SMOC2: variants seen among roughly 807,000 people sequenced by gnomAD.
SMOC2 encodes SPARC related modular calcium binding 2.
SMOC2 carries 39 observed loss-of-function variants against 61.4 expected under a neutral mutation model. The ratio of observed to expected loss-of-function variants is 0.64; its 90% CI spans 0.49 to 0.83. The LOEUF is 0.83. Ranked by LOEUF, SMOC2 falls within the 40% of genes least tolerant of loss-of-function variation. SMOC2 has a pLI of 0.00. For missense variants in SMOC2, 556 were observed against 592.9 expected (o/e 0.94, Z 0.65); for synonymous variants, 247 against 239.9 (o/e 1.03, Z -0.27).
chr6:168,518,702 ATGTG>A (rs575177452), intron 2 of SMOC2, among the ~76,000 whole-genome samples: 2 of 144,506 alleles, frequency 1.4e-5, no homozygotes, highest in East Asian at 2.1e-4. Flanking sequence ...ATGAGCGTGC[ATGTG>A]TGAGTGTTAT....
At chr6:168,613,401 A>G (rs1053735068) in intron 9 of SMOC2, among the ~76,000 whole-genome samples, 2 of 152,148 alleles carry the variant, frequency 1.3e-5, no homozygotes, top group Non-Finnish European at 2.9e-5. Context: ...GAGCCTGGGC[A>G]TGGCCCCTCT....
rs367887452 is a variant in SMOC2 at position 168,598,944 on chromosome 6, C to T, written c.764C>T (p.Thr255Met). 3.7e-6 allele frequency: 6 copies of T among 1,613,410 alleles called. No individual in the cohort carries two copies. Among genetic ancestry groups the T allele is most frequent in the East Asian group, 2.2e-5 (1 of 44,868 alleles). Residue 255 changes from threonine to methionine, a missense_variant, in exon 8 of 13, where the codon ACG (threonine) becomes ATG (methionine). Coordinates refer to ENST00000356284, the MANE Select transcript of SMOC2 (RefSeq NM_001166412.2). ...AAGCCAGTGCAGTGCCACCCCTCCA[C>T]GGGGTACTGCTGGTGCGTCCTGGTG... ...LYKPVQCHPS[T>M]GYCWCVLVDT... is the part of the protein sequence containing the mutation.
chr6:168,495,806 A>G (rs1583056821), intron 1 of SMOC2, among the ~76,000 whole-genome samples: 1 of 151,848 alleles, frequency 6.6e-6, no homozygotes, highest in South Asian at 2.1e-4. Flanking sequence ...TGGGGGCTCC[A>G]CCCACCTGTG....
chr6:168,489,056 G>T (rs1309937880), intron 1 of SMOC2, among the ~76,000 whole-genome samples: 2 of 149,550 alleles, frequency 1.3e-5, no homozygotes, highest in Admixed American at 1.3e-4. Context: ...GTTTTAGAGG[G>T]AAATATATCG....
At chr6:168,591,831 G>C (rs550881944) in intron 7 of SMOC2, among the ~76,000 whole-genome samples, 13 of 142,978 alleles carry the variant, frequency 9.1e-5, no homozygotes, top group African/African-American at 3.2e-4. Context: ...GGAAAGAAAA[G>C]TGACATATTT....
At chr6:168,572,894 GGT>G (rs1784699641) in intron 7 of SMOC2, among the ~76,000 whole-genome samples, 2 of 107,820 alleles carry the variant, frequency 1.9e-5, no homozygotes, top group Non-Finnish European at 1.7e-5. Flanking sequence ...AGGGCTGCGT[GGT>G]CCCTGAACGC....
chr6:168,621,884 T>C (rs1285826317), intron 9 of SMOC2, among the ~76,000 whole-genome samples: 1 of 152,130 alleles, frequency 6.6e-6, no homozygotes, highest in Non-Finnish European at 1.5e-5. Context: ...TCACCACTCA[T>C]TGCGTTACAC....
At chr6:168,491,215 TGGAAGCTGGA>T (rs1382054638) in intron 1 of SMOC2, among the ~76,000 whole-genome samples, 3 of 152,212 alleles carry the variant, frequency 2.0e-5, no homozygotes, top group Non-Finnish European at 4.4e-5. Flanking sequence ...CTTGGTCTTG[TGGAAGCTGGA>T]GAATTTGAAC....
intron 7 of SMOC2, among the ~76,000 whole-genome samples, chr6:168,566,350 A>T (rs1784540347): frequency 6.6e-6 from 1 of 152,164 alleles, no homozygotes; most frequent in South Asian, 2.1e-4. Flanking sequence ...CTTTATGACA[A>T]ATCCTTGCAA....
At chr6:168,524,215 T>C (rs1783403621) in intron 2 of SMOC2, among the ~76,000 whole-genome samples, 1 of 152,188 alleles carries the variant, frequency 6.6e-6, no homozygotes, top group African/African-American at 2.4e-5. Context: ...TAACACGAGA[T>C]ATCCAGAATA....
At chr6:168,509,690 G>A (rs1297501564) in intron 1 of SMOC2, among the ~76,000 whole-genome samples, 1 of 152,180 alleles carries the variant, frequency 6.6e-6, no homozygotes, top group African/African-American at 2.4e-5. Flanking sequence ...TCAGACGGCC[G>A]ATATTGATGT....
At chr6:168,519,127 G>A (rs1046458923) in intron 2 of SMOC2, among the ~76,000 whole-genome samples, 3 of 150,876 alleles carry the variant, frequency 2.0e-5, no homozygotes, top group African/African-American at 7.3e-5. Context: ...ATGCATGCAT[G>A]TGTATGTGTG....
At chr6:168,620,293 A>G (rs1786211607) in intron 9 of SMOC2, among the ~76,000 whole-genome samples, 1 of 152,190 alleles carries the variant, frequency 6.6e-6, no homozygotes, top group African/African-American at 2.4e-5. Flanking sequence ...TTACCTTCTC[A>G]TGAGAATTAC....
At chr6:168,662,012 T>A (rs1787521327) in intron 11 of SMOC2, among the ~76,000 whole-genome samples, 1 of 152,228 alleles carries the variant, frequency 6.6e-6, no homozygotes, top group Non-Finnish European at 1.5e-5. Context: ...TGTTTCTATT[T>A]GCGTTATGGC....
chr6:168,481,709 A>T (rs1335675896), intron 1 of SMOC2, among the ~76,000 whole-genome samples: 1 of 152,044 alleles, frequency 6.6e-6, no homozygotes, highest in African/African-American at 2.4e-5. Context: ...AATCTCTCCA[A>T]TTAAAAGACA....
At chr6:168,575,121 G>T (rs575634542) in intron 7 of SMOC2, among the ~76,000 whole-genome samples, 3 of 152,162 alleles carry the variant, frequency 2.0e-5, no homozygotes, top group Non-Finnish European at 4.4e-5. Context: ...CGAAGCGCTG[G>T]GCGGGCGTGG....
chr6:168,573,992 G>A (rs1310981884), intron 7 of SMOC2, among the ~76,000 whole-genome samples: 1 of 152,244 alleles, frequency 6.6e-6, no homozygotes, highest in Non-Finnish European at 1.5e-5. Flanking sequence ...GGAGGGGGAG[G>A]GATGGGTGGA....
At position 168,475,205 on chromosome 6, in the gene SMOC2, G is replaced by A. The variant is rs55802808; in HGVS notation, c.84+33751G>A. Among the ~76,000 whole-genome samples the A allele has an allele frequency of 0.23, 34,937 of 151,966 alleles. 4,472 individuals are homozygous for A. Among genetic ancestry groups the A allele is most frequent in the Admixed American group, 0.34 (5,156 of 15,266 alleles). ...CCCTGCTGTGGGTGATCTGGGGCTCGTTGGCCTCACCCTTGCTTTGGAGAA... is the reference window on the plus strand; with the variant it reads ...CCCTGCTGTGGGTGATCTGGGGCTCATTGGCCTCACCCTTGCTTTGGAGAA... On this transcript the variant is annotated intron_variant, in intron 1 of 12. Coordinates refer to ENST00000356284, the MANE Select transcript of SMOC2 (RefSeq NM_001166412.2). The surrounding 1 kb of genome is among the most constrained non-coding windows in gnomAD (Gnocchi z 4.6).
At chr6:168,664,871 G>C in intron 12 of SMOC2, 1 of 465,774 alleles carries the variant, frequency 2.1e-6, no homozygotes, top group Non-Finnish European at 4.5e-6. Flanking sequence ...CTTTGCTGCC[G>C]CGAGTCAATT....
Sources: allele counts gnomAD v4.1 joint callset (sites outside exome capture counted in the v4.1 genomes callset), GRCh38; gene constraint gnomAD v4.1.1; non-coding constraint Gnocchi (gnomAD v3.1); transcripts MANE v1.5; gene names NCBI Gene and HGNC (gene_info 2026-07-23, HGNC 2026-07-21).